MAST4: variants seen among roughly 807,000 people sequenced by gnomAD.
MAST4 encodes the protein microtubule-associated serine/threonine-protein kinase 4.
MAST4 carries 89 observed loss-of-function variants against 162.7 expected under a neutral mutation model. The ratio of observed to expected loss-of-function variants is 0.55; its 90% CI spans 0.46 to 0.65. The LOEUF is 0.65. MAST4 is among the 30% of genes least tolerant of loss of function. The pLI is 0.00. For missense variants in MAST4, 3,153 were observed against 3,374.0 expected, an observed-to-expected ratio of 0.93 and a Z score of 1.62; for synonymous variants, 1,479 against 1,361.1, an observed-to-expected ratio of 1.09 and a Z score of -1.91.
At chr5:66,792,344 C>T (rs1224211333) in intron 3 of MAST4, 1 of 167,870 alleles carries the variant, frequency 6.0e-6, no homozygotes, top group Non-Finnish European at 1.5e-5. Context: ...CTCCGCCTGA[C>T]ATGTATCATG....
intron 1 of MAST4, among the ~76,000 whole-genome samples, chr5:66,707,256 G>A (rs114459565): frequency 0.017 from 2,636 of 152,190 alleles, 32 homozygotes; most frequent in Non-Finnish European, 0.027. Flanking sequence ...ACGGGCTTCC[G>A]GCTCACCACT....
At chr5:66,665,695 C>G (rs565882408) in intron 1 of MAST4, among the ~76,000 whole-genome samples, 1 of 152,232 alleles carries the variant, frequency 6.6e-6, no homozygotes, top group East Asian at 1.9e-4. Context: ...AGACTGATAG[C>G]TGAGATTTGA....
At chr5:67,152,597 T>G in intron 24 of MAST4, 40 bp from the exon 25 acceptor site, 34 of 1,567,794 alleles carry the variant, frequency 2.2e-5, no homozygotes, top group Non-Finnish European at 2.8e-5. Flanking sequence ...GATGCTTGTG[T>G]GAGCCACATG....
intron 1 of MAST4, among the ~76,000 whole-genome samples, chr5:66,649,881 C>T (rs1746103029): frequency 6.6e-6 from 1 of 152,164 alleles, no homozygotes; most frequent in African/African-American, 2.4e-5. Context: ...TTAGTCAATA[C>T]TGCCATCTCA....
At chr5:66,852,589 C>T (rs946114882) in intron 3 of MAST4, among the ~76,000 whole-genome samples, 4 of 152,130 alleles carry the variant, frequency 2.6e-5, no homozygotes, top group South Asian at 2.1e-4. Flanking sequence ...CCTTTCTTAC[C>T]GCAAAATGAT....
At chr5:67,146,069 G>A (rs1005851456) in intron 23 of MAST4, among the ~76,000 whole-genome samples, 2 of 152,208 alleles carry the variant, frequency 1.3e-5, no homozygotes, top group African/African-American at 4.8e-5. Flanking sequence ...TAACTCCACT[G>A]AAGACAAAAG....
intron 3 of MAST4, chr5:66,828,808 A>G: frequency 6.2e-7 from 1 of 1,600,324 alleles, no homozygotes; most frequent in Non-Finnish European, 8.5e-7. Context: ...GCATGGCTAG[A>G]CTGTTGTGAG....
intron 4 of MAST4, among the ~76,000 whole-genome samples, chr5:66,930,272 T>C (rs1484329763): frequency 1.3e-5 from 2 of 152,224 alleles, no homozygotes; most frequent in East Asian, 3.8e-4. Flanking sequence ...TTCTGCTACC[T>C]CACATTGAGT....
chr5:66,970,167 C>T (rs2150194789), intron 4 of MAST4, among the ~76,000 whole-genome samples: 1 of 152,174 alleles, frequency 6.6e-6, no homozygotes. Flanking sequence ...TGTGGACAGG[C>T]CACTTAGCAC....
At chr5:66,726,249 A>C (rs1751511011) in intron 1 of MAST4, among the ~76,000 whole-genome samples, 1 of 152,048 alleles carries the variant, frequency 6.6e-6, no homozygotes, top group African/African-American at 2.4e-5. Flanking sequence ...TGGAAGTGGC[A>C]GGTGTATAGG....
chr5:67,102,664 T>A, intron 9 of MAST4, 53 bp downstream of exon 9: 1 of 1,426,270 alleles, frequency 7.0e-7, no homozygotes, highest in East Asian at 2.3e-5. Flanking sequence ...GCACCATAGG[T>A]TTAGAGTCTG....
intron 3 of MAST4, among the ~76,000 whole-genome samples, chr5:66,861,669 C>T (rs1269561676): frequency 6.6e-6 from 1 of 152,212 alleles, no homozygotes; most frequent in Non-Finnish European, 1.5e-5. Context: ...TACAGAATGA[C>T]ATTATGGCAG....
At chr5:66,856,034 T>G (rs182728903) in intron 3 of MAST4, among the ~76,000 whole-genome samples, 38 of 152,086 alleles carry the variant, frequency 2.5e-4, no homozygotes, top group African/African-American at 8.7e-4. Context: ...TGTGGTGGTG[T>G]GCGCCTGTGG....
At chr5:66,785,679 T>G (rs1580446550) in intron 2 of MAST4, among the ~76,000 whole-genome samples, 1 of 152,172 alleles carries the variant, frequency 6.6e-6, no homozygotes, top group East Asian at 1.9e-4. Context: ...TTTTCTTCCT[T>G]TTGAGACTTG....
In MAST4 at chr5:66,745,637, T is replaced by C. The variant is rs557446881; in HGVS notation, c.364-14072T>C. Among the ~76,000 whole-genome samples the C allele has an allele frequency of 3.3e-5, 5 of 152,140 alleles. No individual in the cohort carries two copies. The South Asian group carries it at 8.3e-4, about 25-fold the overall frequency. ...TACCAGCATTGCCCAGCTAACAAGG[T>C]AAGGAAAATAATTTATTAGGTGTTG... is the stretch of plus-strand genomic sequence containing the variant. On this transcript the variant is annotated intron_variant, in intron 1 of 28. Coordinates refer to ENST00000403625, the MANE Select transcript of MAST4 (RefSeq NM_001164664.2).
At chr5:66,840,500 T>C (rs1027462427) in intron 3 of MAST4, among the ~76,000 whole-genome samples, 4 of 152,126 alleles carry the variant, frequency 2.6e-5, no homozygotes, top group African/African-American at 4.8e-5. Context: ...TTGGGTAGTG[T>C]GATAGATTCA....
At chr5:66,670,658 A>G (rs901181127) in intron 1 of MAST4, among the ~76,000 whole-genome samples, 1 of 151,952 alleles carries the variant, frequency 6.6e-6, no homozygotes, top group Non-Finnish European at 1.5e-5. Context: ...CACTAGAACT[A>G]TTTTGCACTG....
chr5:66,820,363 T>G (rs1313832778), intron 3 of MAST4, among the ~76,000 whole-genome samples: 1 of 152,206 alleles, frequency 6.6e-6, no homozygotes, highest in Non-Finnish European at 1.5e-5. Context: ...CATATGAGTT[T>G]CTAAAGCTTT....
chr5:66,935,321 G>T (rs908462078), intron 4 of MAST4, among the ~76,000 whole-genome samples: 1 of 152,124 alleles, frequency 6.6e-6, no homozygotes. Context: ...TGTTTTTAGC[G>T]TAGAAGGTGG....
Sources: gnomAD v4.1 joint callset for allele counts (sites outside exome capture counted in the v4.1 genomes callset) on GRCh38, gnomAD v4.1.1 for gene constraint, MANE v1.5 for transcripts, NCBI Gene and HGNC (gene_info 2026-07-23, HGNC 2026-07-21) for gene names.